The following PRDM4 variants were observed in gnomAD, a reference collection of about 807,000 sequenced individuals.
PRDM4 encodes the protein PR/SET domain 4, also known as PR domain zinc finger protein 4.
A neutral mutation model predicts 62.3 loss-of-function variants in PRDM4; 38 were observed. The observed-to-expected ratio is 0.61, with a 90% CI of 0.47 to 0.80. The LOEUF (loss-of-function observed/expected upper bound fraction) is 0.80. Among genes scored for constraint, PRDM4 ranks in the 30% least tolerant of loss-of-function variants. PRDM4 has a pLI of 0.00. For synonymous variants in PRDM4, 339 were observed against 348.2 expected (o/e 0.97, Z 0.30); for missense variants, 858 against 997.1 (o/e 0.86, Z 1.88).
intron 5 of PRDM4, among the ~76,000 whole-genome samples, chr12:107,749,624 C>A (rs1357397847): frequency 1.3e-5 from 2 of 152,088 alleles, no homozygotes; most frequent in Non-Finnish European, 2.9e-5. Context: ...TTTATCCAAT[C>A]GATAAGCTCA....
rs1890264231 is a variant in PRDM4, at chr12:107,734,421, C to G, written c.2195G>C (p.Cys732Ser). 1 of 1,614,140 alleles carries G rather than the reference C, an allele frequency of 6.2e-7. No individual in the cohort carries two copies. Among genetic ancestry groups the G allele is most frequent in the Non-Finnish European group, 8.5e-7 (1 of 1,180,006 alleles). ...TAGATAAGCCTTTGTACATTTTTCACAGACATAATCCCGTTTTCCTTCATG... is the reference window on the plus strand; with the variant it reads ...TAGATAAGCCTTTGTACATTTTTCAGAGACATAATCCCGTTTTCCTTCATG... ...NSHEGKRDYV[C>S]EKCTKAYLTK... is the part of the protein sequence containing the mutation. The change falls in exon 12 of 12, where the codon TGT becomes TCT. Residue 732 changes from cysteine (C) to serine (S), a missense_variant. Transcript: ENST00000228437.
At position 107,733,599 on chromosome 12, in the gene PRDM4, T is replaced by G. The variant is rs1890236352; in HGVS notation, c.*611A>C. On this transcript the variant is annotated 3_prime_UTR_variant, in exon 12 of 12. Transcript: ENST00000228437. ...CACTGACTACTGACTGACTGCTGCT[T>G]TTTTATTTGCCCTCCAGGCACCTGC... 1 of 152,522 alleles carries G rather than the reference T, an allele frequency of 6.6e-6. No individual in the cohort carries two copies. 9.4% of individuals were successfully genotyped at this position (152,522 alleles called of 1,614,324 possible).
At chr12:107,742,456 A>G in intron 8 of PRDM4, 108 bp from the exon 9 acceptor site, 1 of 1,257,814 alleles carries the variant, frequency 8.0e-7, no homozygotes, top group Non-Finnish European at 1.1e-6. Flanking sequence ...AGAACTATTT[A>G]CTATTTCCTC....
chr12:107,753,861 A>G, intron 4 of PRDM4, 63 bp downstream of exon 4: 1 of 1,470,610 alleles, frequency 6.8e-7, no homozygotes, highest in Non-Finnish European at 9.2e-7. Context: ...TATCTTCAGG[A>G]TAAAAGTTTA....
intron 9 of PRDM4, among the ~76,000 whole-genome samples, chr12:107,741,792 G>T (rs765507268): frequency 5.9e-5 from 9 of 152,136 alleles, no homozygotes; most frequent in African/African-American, 1.7e-4. Flanking sequence ...GGATTATAAG[G>T]CCTCTTTTGT....
rs1890240827 is a variant in PRDM4 at position 107,733,755 on chromosome 12, G to A, written c.*455C>T. On this transcript the variant is annotated 3_prime_UTR_variant, in exon 12 of 12. Coordinates refer to ENST00000228437, the MANE Select transcript of PRDM4 (RefSeq NM_012406.4). ...GCTGTGTCCCAATCCATTCTGTGGT[G>A]AGTATAAGTCACAAGAGTCTGCATA... 1 of 162,632 alleles carries A rather than the reference G, an allele frequency of 6.1e-6. No homozygotes were observed. 10.1% of individuals were successfully genotyped at this position (162,632 alleles called of 1,614,324 possible).
chr12:107,760,285 C>A (rs1891197211), intron 2 of PRDM4, among the ~76,000 whole-genome samples: 1 of 152,240 alleles, frequency 6.6e-6, no homozygotes, highest in Admixed American at 6.5e-5. Context: ...AACAAGCCAA[C>A]AATAAACGTG....
chr12:107,743,334 C>T (rs528439473), intron 7 of PRDM4, 52 bp from the exon 8 acceptor site: 1 of 1,263,722 alleles, frequency 7.9e-7, no homozygotes, highest in East Asian at 2.3e-5. Flanking sequence ...TGCAATAAAG[C>T]ACTACATTAC....
intron 5 of PRDM4, among the ~76,000 whole-genome samples, chr12:107,748,310 A>G (rs1445043375): frequency 6.6e-6 from 1 of 152,244 alleles, no homozygotes; most frequent in Non-Finnish European, 1.5e-5. Flanking sequence ...CAGTTCCTCA[A>G]AAAGTTAAAC....
intron 11 of PRDM4, among the ~76,000 whole-genome samples, chr12:107,738,674 T>C (rs943106781): frequency 2.6e-5 from 4 of 152,190 alleles, no homozygotes; most frequent in Non-Finnish European, 5.9e-5. Context: ...TCTTCCAATA[T>C]TTAGGCTTCC....
intron 8 of PRDM4, among the ~76,000 whole-genome samples, chr12:107,742,762 CCTT>C (rs57334808): frequency 0.081 from 9,954 of 123,618 alleles, 335 homozygotes; most frequent in South Asian, 0.13. Flanking sequence ...TTGGTAAGTG[CCTT>C]TTTTTTTTTT....
intron 11 of PRDM4, chr12:107,736,640 A>C (rs533229084): frequency 6.6e-6 from 1 of 152,412 alleles, no homozygotes; most frequent in South Asian, 2.1e-4. Context: ...AGACAGGCAC[A>C]ATCTGACTTA....
At chr12:107,743,076 T>C in intron 8 of PRDM4, 121 bp downstream of exon 8, 1 of 801,342 alleles carries the variant, frequency 1.2e-6, no homozygotes, top group Middle Eastern at 3.6e-4. Flanking sequence ...TGCCTTGGGC[T>C]TTAAGTATGT....
intron 5 of PRDM4, among the ~76,000 whole-genome samples, chr12:107,749,662 T>C (rs1890828370): frequency 1.3e-5 from 2 of 152,118 alleles, no homozygotes; most frequent in Admixed American, 6.6e-5. Context: ...TGTCCTCCAC[T>C]CTTCTGCATC....
chr12:107,759,184 G>C (rs1891151226), intron 2 of PRDM4, among the ~76,000 whole-genome samples: 1 of 152,146 alleles, frequency 6.6e-6, no homozygotes, highest in Non-Finnish European at 1.5e-5. Context: ...GAAGTGGGGA[G>C]GTCGGGGCTA....
intron 5 of PRDM4, among the ~76,000 whole-genome samples, chr12:107,748,802 C>T (rs1890804553): frequency 6.6e-6 from 1 of 152,122 alleles, no homozygotes; most frequent in Non-Finnish European, 1.5e-5. Flanking sequence ...CACTAAATTG[C>T]ACGTTTAAAA....
chr12:107,741,365 A>T (rs1383328717), intron 9 of PRDM4, 105 bp from the exon 10 acceptor site: 1 of 1,116,872 alleles, frequency 9.0e-7, no homozygotes, highest in African/African-American at 1.6e-5. Context: ...CCATATTTCC[A>T]ATTTGCCCAC....
At position 107,756,848 on chromosome 12, in the gene PRDM4, A is replaced by C. The variant is rs1298879251; in HGVS notation, c.129T>G (p.Ser43Arg). ...HLGLAASPTH[S>R]AIPAPGLPVA... The stretch of plus-strand genomic sequence containing the variant: ...ACCACTCACCTGGGGCAGGGATGGC[A>C]CTGTGAGTGGGTGAGGCAGCCAATC... The change falls in exon 3 of 12, where the codon AGT becomes AGG. Residue 43 changes from serine (S) to arginine (R), a missense_variant. Coordinates refer to ENST00000228437, the MANE Select transcript of PRDM4 (RefSeq NM_012406.4). 6.2e-7 allele frequency: 1 copy of C among 1,614,140 alleles called. No homozygotes were observed. The highest frequency in any genetic ancestry group is 8.5e-7 in the Non-Finnish European group (1 of 1,180,010).
intron 3 of PRDM4, among the ~76,000 whole-genome samples, chr12:107,754,621 G>C (rs1156909671): frequency 2.6e-5 from 4 of 152,102 alleles, no homozygotes; most frequent in Non-Finnish European, 5.9e-5. Flanking sequence ...GGCCTCAAGT[G>C]ATCTGCCCAC....
Sources: gnomAD v4.1 joint callset for allele counts (sites outside exome capture counted in the v4.1 genomes callset) on GRCh38, gnomAD v4.1.1 for gene constraint, MANE v1.5 for transcripts, NCBI Gene and HGNC (gene_info 2026-07-23, HGNC 2026-07-21) for gene names.